BTAF1: variants seen among roughly 807,000 people sequenced by gnomAD.
BTAF1 encodes the protein TATA-binding protein-associated factor 172.
BTAF1 carries 38 observed loss-of-function variants against 227.1 expected under a neutral mutation model. That is an observed-to-expected ratio of 0.17 (90% CI 0.13 to 0.22). The LOEUF is 0.22. Among genes scored for constraint, BTAF1 ranks in the 10% least tolerant of loss-of-function variants. BTAF1 has a pLI of 1.00. For synonymous variants in BTAF1, 742 were observed against 751.9 expected, an observed-to-expected ratio of 0.99 and a Z score of 0.21; for missense variants, 1,598 against 2,204.0, an observed-to-expected ratio of 0.73 and a Z score of 5.51.
intron 21 of BTAF1, among the ~76,000 whole-genome samples, chr10:91,992,944 T>C (rs901280882): frequency 2.4e-4 from 36 of 152,204 alleles, no homozygotes; most frequent in African/African-American, 8.4e-4. Context: ...CTCTAGTTAG[T>C]TCTTTGGAAT....
In BTAF1 at chr10:91,984,281, C is replaced by T. The variant is rs759380029; in HGVS notation, c.2304C>T (p.Ala768=). The change falls in exon 19 of 38, where the codon GCC becomes GCT. Residue 768 remains alanine (A), a synonymous_variant. Coordinates refer to ENST00000265990, the MANE Select transcript of BTAF1 (RefSeq NM_003972.3). ...LSEHLYYDEI[A]VPFTRMQNEC... ...AACATTTATATTATGACGAAATTGC[C>T]GTTCCATTCACACGAATGCAGAATG... The T allele has an allele frequency of 1.4e-5, 22 of 1,613,730 alleles. No individual in the cohort carries two copies. The highest frequency in any genetic ancestry group is 7.7e-5 in the South Asian group (7 of 91,078).
intron 25 of BTAF1, among the ~76,000 whole-genome samples, chr10:92,006,400 TTA>T (rs1156543597): frequency 6.6e-6 from 1 of 152,248 alleles, no homozygotes; most frequent in Admixed American, 6.5e-5. Flanking sequence ...TCATACTCTC[TTA>T]CATTGAAATT....
In BTAF1 at chr10:92,014,912, T is replaced by G. The variant is rs181162679; in HGVS notation, c.4584+883T>G. Among the ~76,000 whole-genome samples, 48 of 152,300 alleles carry G rather than the reference T, an allele frequency of 3.2e-4. No homozygotes were observed. The East Asian group carries it at 7.3e-3, about 23-fold the overall frequency. ...TACTGTACTGAGTACTGTAGGCAGT[T>G]GCAACACAATTATATTTGTATATCT... On this transcript the variant is annotated intron_variant, in intron 32 of 37. Coordinates refer to ENST00000265990, the MANE Select transcript of BTAF1 (RefSeq NM_003972.3).
chr10:91,996,660 CATAA>C lies in BTAF1; in HGVS notation c.3511+95_3511+98del, dbSNP rs1849165191. On this transcript the variant is annotated intron_variant, in intron 24 of 37. Transcript: ENST00000265990. The stretch of plus-strand genomic sequence containing the variant: ...TGAAATTGATGTGTTCTAATATGCA[CATAA>C]ATAACCTGCCTTGTTCCAAAAAATA... 19 of 1,229,300 alleles carry C rather than the reference CATAA, an allele frequency of 1.5e-5. No homozygotes were observed. The South Asian group carries it at 2.7e-4, about 18-fold the overall frequency. The allele number at this position is 1,229,300 out of a possible 1,614,324, so 76.1% of individuals were successfully genotyped here. A position where few individuals can be genotyped will look rare whatever the true frequency, so the allele number is the denominator to read the frequency against.
chr10:92,006,110 A>G (rs901753784), intron 25 of BTAF1, among the ~76,000 whole-genome samples: 12 of 151,990 alleles, frequency 7.9e-5, no homozygotes, highest in African/African-American at 2.9e-4. Flanking sequence ...CCTGGGCTCA[A>G]TCCTCCACCA....
In BTAF1 at chr10:91,984,342, C is replaced by T; in HGVS notation, c.2365C>T (p.His789Tyr). 6.2e-7 allele frequency: 1 copy of T among 1,613,378 alleles called. No individual in the cohort carries two copies. Among genetic ancestry groups the T allele is most frequent in the Non-Finnish European group, 8.5e-7 (1 of 1,179,660 alleles). ...ACTTATATCATCATTAGCTGATGTACATATTGAAGTTGGTAATCGAGTAAA... is the reference window on the plus strand; with the variant it reads ...ACTTATATCATCATTAGCTGATGTATATATTGAAGTTGGTAATCGAGTAAA... Reference protein sequence around the residue: ...KQLISSLADVHIEVGNRVNNN... With the variant: ...KQLISSLADVYIEVGNRVNNN... The change falls in exon 19 of 38, where the codon CAT becomes TAT. Residue 789 changes from histidine (H) to tyrosine (Y), a missense_variant. His to Tyr is a moderately conservative substitution (Grantham distance 83). Transcript: ENST00000265990.
chr10:92,011,609 A>AT (rs1424211931), intron 30 of BTAF1, among the ~76,000 whole-genome samples, 194 bp downstream of exon 30: 2 of 152,190 alleles, frequency 1.3e-5, no homozygotes, highest in Non-Finnish European at 2.9e-5. Flanking sequence ...TTTAAAAGTC[A>AT]TTTTTAAAAT....
At chr10:91,959,391 A>AAATAATAGATATATGACCGGTGTGCT in intron 9 of BTAF1, 1 of 725,386 alleles carries the variant, frequency 1.4e-6, no homozygotes, top group Non-Finnish European at 2.0e-6. Flanking sequence ...GTAATAGTAT[A>AAATAATAGATATATGACCGGTGTGCT]AATAATAGAT....
intron 14 of BTAF1, among the ~76,000 whole-genome samples, chr10:91,978,458 T>C (rs547218298): frequency 1.1e-4 from 16 of 152,276 alleles, no homozygotes; most frequent in East Asian, 9.6e-4. Context: ...ATTGCTGTTA[T>C]AGCTTTCCTA....
Position 91,936,170 on chromosome 10 carries a change from C to T in BTAF1, c.138+390C>T, listed in dbSNP as rs1844597399. On this transcript the variant is annotated intron_variant, in intron 2 of 37. Transcript: ENST00000265990. ...GGAGTCTTGTTACATTCTAAGTTAT[C>T]AGCTGTTTGAAAATGGAGGCTTTCT... 2.0e-5 allele frequency among the ~76,000 whole-genome samples: 3 copies of T among 152,146 alleles called. No individual in the cohort carries two copies. In the South Asian group the frequency reaches 6.2e-4, roughly 32 times the overall value.
At chr10:91,930,062 T>A (rs1015752602) in intron 1 of BTAF1, among the ~76,000 whole-genome samples, 27 of 152,308 alleles carry the variant, frequency 1.8e-4, no homozygotes, top group East Asian at 3.9e-4. Context: ...ATTATTATTT[T>A]AAAAATTTTT....
intron 3 of BTAF1, among the ~76,000 whole-genome samples, chr10:91,941,638 G>C (rs1165322356): frequency 6.6e-6 from 1 of 152,180 alleles, no homozygotes; most frequent in Non-Finnish European, 1.5e-5. Context: ...TGTTCCTCAG[G>C]TATGGGGAGG....
At position 92,011,432 on chromosome 10, in the gene BTAF1, A is replaced by T. The variant is rs557902616; in HGVS notation, c.4311+17A>T. On this transcript the variant is annotated intron_variant, in intron 30 of 37. Transcript: ENST00000265990. ...CCAATCCAGGTAATTATTTATTATT[A>T]TTTTTTTTAATTATTTTTATTTTTA... 82 of 1,136,166 alleles carry T rather than the reference A, an allele frequency of 7.2e-5. No individual in the cohort carries two copies. In the African/African-American group the frequency reaches 8.1e-4, roughly 11 times the overall value. The allele number at this position is 1,136,166 out of a possible 1,614,324, so 70.4% of individuals were successfully genotyped here. A position where few individuals can be genotyped will look rare whatever the true frequency, so the allele number is the denominator to read the frequency against.
intron 7 of BTAF1, 104 bp from the exon 8 acceptor site, chr10:91,957,121 T>C (rs940218254): frequency 1.3e-6 from 1 of 774,292 alleles, no homozygotes; most frequent in African/African-American, 1.7e-5. Context: ...TTTAAAAGCC[T>C]GATTGCTACT....
At chr10:91,960,232 T>A in intron 11 of BTAF1, 78 bp downstream of exon 11, 1 of 1,426,784 alleles carries the variant, frequency 7.0e-7, no homozygotes, top group Non-Finnish European at 9.5e-7. Flanking sequence ...TTAGACGAAA[T>A]GGCCGTAGAT....
In BTAF1 at chr10:91,959,878, GAAGT is replaced by G. The variant is rs753386158; in HGVS notation, c.1086+4_1086+7del. ...CAGATTTGGAGACTTTGTTTCTGAT[GAAGT>G]AAGTATCATTTAAGGGAGGCTTTGC... is the stretch of plus-strand genomic sequence containing the variant. On this transcript the variant is annotated splice_donor_variant and coding_sequence_variant, in exon 10 of 38. Coordinates refer to ENST00000265990, the MANE Select transcript of BTAF1 (RefSeq NM_003972.3). LOFTEE classifies it high-confidence loss of function. 6.2e-7 allele frequency: 1 copy of G among 1,605,630 alleles called. No individual in the cohort carries two copies. Among genetic ancestry groups the G allele is most frequent in the Non-Finnish European group, 8.5e-7 (1 of 1,177,602 alleles).
rs1849011242 is a variant in BTAF1 at position 91,994,568 on chromosome 10, C to T, written c.3233C>T (p.Pro1078Leu). The T allele has an allele frequency of 6.2e-7, 1 of 1,613,754 alleles. No individual in the cohort carries two copies. Among genetic ancestry groups the T allele is most frequent in the Non-Finnish European group, 8.5e-7 (1 of 1,179,806 alleles). Residue 1078 changes from proline (P) to leucine (L), a missense_variant, in exon 23 of 38, where the codon CCT becomes CTT. Physicochemically the swap from Pro to Leu is moderately conservative, Grantham distance 98 (BLOSUM62 -3). This residue lies in a region of BTAF1 where 425 missense variants were observed against 491.2 expected (regional missense o/e 0.87). Coordinates refer to ENST00000265990, the MANE Select transcript of BTAF1 (RefSeq NM_003972.3). ...GKSLLDKGDSPAQELVNSLQV... is the reference protein window; with the variant it reads ...GKSLLDKGDSLAQELVNSLQV... ...TCCCTCCTGGATAAGGGAGATAGCCCTGCTCAAGAATTGGTGAATTCTCTG... is the reference window on the plus strand; with the variant it reads ...TCCCTCCTGGATAAGGGAGATAGCCTTGCTCAAGAATTGGTGAATTCTCTG...
chr10:91,994,688 G>A (rs1849019481), intron 23 of BTAF1, 44 bp downstream of exon 23: 3 of 1,497,644 alleles, frequency 2.0e-6, no homozygotes, highest in Non-Finnish European at 2.8e-6. Flanking sequence ...AATAAAACAA[G>A]TGGTCTTATT....
At chr10:91,986,868 T>G (rs1564696286) in intron 19 of BTAF1, among the ~76,000 whole-genome samples, 1 of 152,028 alleles carries the variant, frequency 6.6e-6, no homozygotes, top group Non-Finnish European at 1.5e-5. Context: ...GTAAGGGACT[T>G]TTGAGGGAAG....
Sources: allele counts gnomAD v4.1 joint callset (sites outside exome capture counted in the v4.1 genomes callset), GRCh38; gene constraint gnomAD v4.1.1; regional missense constraint gnomAD v4.1.1; transcripts MANE v1.5; gene names NCBI Gene and HGNC (gene_info 2026-07-23, HGNC 2026-07-21).